The following PTPRT variants were observed in gnomAD, a reference collection of about 807,000 sequenced individuals.
PTPRT encodes the protein receptor-type tyrosine-protein phosphatase T.
Under a neutral mutation model 176.8 loss-of-function variants are expected in PTPRT, and 56 were observed. The observed-to-expected ratio is 0.32, with a 90% CI of 0.26 to 0.40. The LOEUF (loss-of-function observed/expected upper bound fraction) is 0.40. Among genes scored for constraint, PTPRT ranks in the 10% least tolerant of loss-of-function variants. The probability of loss-of-function intolerance (pLI) is 1.00; values close to 1 mark genes in which losing one functional copy is unlikely to be tolerated. For missense variants in PTPRT, 1,540 were observed against 1,908.2 expected, an observed-to-expected ratio of 0.81 and a Z score of 3.60; for synonymous variants, 783 against 739.0, an observed-to-expected ratio of 1.06 and a Z score of -0.96.
intron 7 of PTPRT, among the ~76,000 whole-genome samples, chr20:42,558,555 C>T (rs2072899619): frequency 6.6e-6 from 1 of 152,036 alleles, no homozygotes; most frequent in South Asian, 2.1e-4. Flanking sequence ...AAAGTAATCT[C>T]ATATACTGTT....
At chr20:42,175,624 C>T (rs1990259646) in intron 16 of PTPRT, among the ~76,000 whole-genome samples, 1 of 152,030 alleles carries the variant, frequency 6.6e-6, no homozygotes, top group African/African-American at 2.4e-5. Context: ...AATTGTTGAA[C>T]TCATAAAATG....
chr20:42,879,755 G>GTGCGCGTGTGTGTGTGTGTGTT (rs2078987499), intron 2 of PTPRT, among the ~76,000 whole-genome samples: 1 of 145,734 alleles, frequency 6.9e-6, no homozygotes, highest in Non-Finnish European at 1.5e-5. Flanking sequence ...GTGTGTGTGT[G>GTGCGCGTGTGTGTGTGTGTGTT]TGCGCGTGTG....
chr20:42,608,541 A>G (rs1038948356), intron 7 of PTPRT, among the ~76,000 whole-genome samples: 2 of 152,294 alleles, frequency 1.3e-5, no homozygotes, highest in Middle Eastern at 3.4e-3. Flanking sequence ...GATCCAGCAG[A>G]GATGGCGTGC....
intron 1 of PTPRT, among the ~76,000 whole-genome samples, chr20:43,120,065 C>T (rs997301498): frequency 2.0e-5 from 3 of 152,166 alleles, no homozygotes; most frequent in Non-Finnish European, 4.4e-5. Context: ...ACTTGGCCTC[C>T]CATAGTGCTG....
chr20:42,923,497 G>T (rs1161381501), intron 1 of PTPRT, among the ~76,000 whole-genome samples: 1 of 152,228 alleles, frequency 6.6e-6, no homozygotes, highest in Non-Finnish European at 1.5e-5. Flanking sequence ...CTTTCCAGGT[G>T]ACAGATTGGC....
At chr20:42,942,387 G>T (rs1235891007) in intron 1 of PTPRT, among the ~76,000 whole-genome samples, 2 of 152,206 alleles carry the variant, frequency 1.3e-5, no homozygotes, top group Admixed American at 1.3e-4. Context: ...GACAGGATAT[G>T]CACTGGGCTT....
At chr20:42,649,103 G>A (rs1032379171) in intron 7 of PTPRT, among the ~76,000 whole-genome samples, 1 of 152,060 alleles carries the variant, frequency 6.6e-6, no homozygotes, top group Non-Finnish European at 1.5e-5. Flanking sequence ...ACAGGCCTGA[G>A]CCACTGTGCC....
intron 14 of PTPRT, among the ~76,000 whole-genome samples, chr20:42,246,948 GA>G (rs1459578980): frequency 6.6e-6 from 1 of 152,138 alleles, no homozygotes; most frequent in Non-Finnish European, 1.5e-5. Flanking sequence ...TGCTCCCAGA[GA>G]AATCAAAAGT....
intron 17 of PTPRT, among the ~76,000 whole-genome samples, chr20:42,143,502 A>T (rs1236558260): frequency 6.7e-6 from 1 of 150,320 alleles, no homozygotes; most frequent in Non-Finnish European, 1.5e-5. Flanking sequence ...GCTGGCAATG[A>T]GCTGAGAGCA....
At chr20:42,570,883 T>C (rs559952109) in intron 7 of PTPRT, among the ~76,000 whole-genome samples, 5 of 151,182 alleles carry the variant, frequency 3.3e-5, no homozygotes, top group South Asian at 2.1e-4. Context: ...TATAAAGTCC[T>C]TTTTTGCAGT....
chr20:42,321,462 T>A (rs908267678), intron 11 of PTPRT, among the ~76,000 whole-genome samples: 1 of 152,174 alleles, frequency 6.6e-6, no homozygotes, highest in African/African-American at 2.4e-5. Flanking sequence ...ATTCTGATAT[T>A]TATACCTGTA....
At chr20:42,489,179 G>T (rs1031812257) in intron 7 of PTPRT, among the ~76,000 whole-genome samples, 2 of 151,858 alleles carry the variant, frequency 1.3e-5, no homozygotes, top group Admixed American at 1.3e-4. Flanking sequence ...TATACATGTT[G>T]TTATTTTTTT....
intron 7 of PTPRT, among the ~76,000 whole-genome samples, chr20:42,657,845 T>C (rs2075152773): frequency 1.3e-5 from 2 of 152,186 alleles, no homozygotes; most frequent in Admixed American, 1.3e-4. Context: ...TCCTCTGTAC[T>C]GGCTGTAACA....
At chr20:42,244,633 G>A (rs937524445) in intron 14 of PTPRT, among the ~76,000 whole-genome samples, 2 of 152,186 alleles carry the variant, frequency 1.3e-5, no homozygotes, top group Non-Finnish European at 2.9e-5. Context: ...ATGCATAAGT[G>A]CATGGCCATG....
chr20:42,497,446 GA>G, intron 7 of PTPRT, among the ~76,000 whole-genome samples: 1 of 151,698 alleles, frequency 6.6e-6, no homozygotes, highest in Admixed American at 6.6e-5. Context: ...CTGTTATCTT[GA>G]TTTTTTTTGG....
At chr20:42,087,227 A>AATT (rs879290197) in intron 27 of PTPRT, among the ~76,000 whole-genome samples, 3 of 150,300 alleles carry the variant, frequency 2.0e-5, no homozygotes, top group African/African-American at 4.9e-5. Context: ...AAATCATTAT[A>AATT]ATTATTATTA....
At chr20:42,698,892 A>T (rs186018786) in intron 6 of PTPRT, among the ~76,000 whole-genome samples, 47 of 152,296 alleles carry the variant, frequency 3.1e-4, no homozygotes, top group Admixed American at 3.1e-3. Context: ...CGAACAAATA[A>T]ATGGCCCTTC....
At chr20:42,438,403 G>A (rs552835557) in intron 9 of PTPRT, among the ~76,000 whole-genome samples, 18 of 152,204 alleles carry the variant, frequency 1.2e-4, no homozygotes, top group African/African-American at 4.3e-4. Context: ...ACCATGGCAC[G>A]GATATGAGGT....
chr20:42,750,703 A>G (rs2076757986), intron 6 of PTPRT, among the ~76,000 whole-genome samples: 1 of 152,248 alleles, frequency 6.6e-6, no homozygotes, highest in Non-Finnish European at 1.5e-5. Flanking sequence ...CACCACCGAC[A>G]AGAAACTTTT....
Sources: gnomAD v4.1 joint callset for allele counts (sites outside exome capture counted in the v4.1 genomes callset) on GRCh38, gnomAD v4.1.1 for gene constraint, MANE v1.5 for transcripts, NCBI Gene and HGNC (gene_info 2026-07-23, HGNC 2026-07-21) for gene names.